MLST8: variants seen among roughly 807,000 people sequenced by gnomAD.
MLST8 encodes the protein target of rapamycin complex subunit LST8.
A neutral mutation model predicts 41.3 loss-of-function variants in MLST8; 20 were observed. That is an observed-to-expected ratio of 0.48 (90% CI 0.34 to 0.70). The LOEUF (loss-of-function observed/expected upper bound fraction) is 0.70. Ranked by LOEUF, MLST8 falls within the 30% of genes least tolerant of loss-of-function variation. The probability of loss-of-function intolerance (pLI) is 0.01; values close to 1 mark genes in which losing one functional copy is unlikely to be tolerated. For missense variants in MLST8, 422 were observed against 454.3 expected, an observed-to-expected ratio of 0.93 and a Z score of 0.65; for synonymous variants, 243 against 183.0, an observed-to-expected ratio of 1.33 and a Z score of -2.65.
At chr16:2,207,895 G>A (rs2093326821) in intron 6 of MLST8, 1 of 297,522 alleles carries the variant, frequency 3.4e-6, no homozygotes, top group Non-Finnish European at 6.2e-6. Flanking sequence ...TTTCCCTTCT[G>A]CTGGCCTTTG....
chr16:2,205,553 G>T, intron 1 of MLST8, 41 bp downstream of exon 1: 1 of 471,900 alleles, frequency 2.1e-6, no homozygotes, highest in Non-Finnish European at 2.8e-6. Flanking sequence ...CCGGCTGCTG[G>T]GTGGCTGGGA....
chr16:2,208,925 G>A lies in MLST8; in HGVS notation c.*48G>A, dbSNP rs777551075. On this transcript the variant is annotated 3_prime_UTR_variant, in exon 9 of 9. Coordinates refer to ENST00000569417, the MANE Select transcript of MLST8 (RefSeq NM_022372.6). ...TGGTGCAGGTGGTGGCAGCTGGAGGGACCCATGCAGCACCCAGGTCAGAGC... is the reference window on the plus strand; with the variant it reads ...TGGTGCAGGTGGTGGCAGCTGGAGGAACCCATGCAGCACCCAGGTCAGAGC... 1.9e-6 allele frequency: 3 copies of A among 1,592,220 alleles called. No homozygotes were observed. The highest frequency in any genetic ancestry group is 1.7e-5 in the Admixed American group (1 of 59,968).
chr16:2,205,950 G>C, intron 1 of MLST8, 81 bp from the exon 2 acceptor site: 1 of 1,453,294 alleles, frequency 6.9e-7, no homozygotes, highest in South Asian at 1.5e-5. Context: ...AATGATAAGC[G>C]CCATTCGGCA....
chr16:2,207,250 G>C lies in MLST8; in HGVS notation c.478G>C (p.Asp160His). The change falls in exon 6 of 9, where the codon GAC becomes CAC. Residue 160 changes from aspartate to histidine, a missense_variant. Asp to His is a moderately conservative substitution (Grantham distance 81, BLOSUM62 -1). Transcript: ENST00000569417. ...GAIHIWDLKT[D>H]HNEQLIPEPE... ...TATCCACATCTGGGACTTGAAAACA[G>C]ACCACAACGAGCAGCTGATCCCTGA... 3 of 1,614,188 alleles carry C rather than the reference G, an allele frequency of 1.9e-6. No individual in the cohort carries two copies. Among genetic ancestry groups the C allele is most frequent in the Non-Finnish European group, 2.5e-6 (3 of 1,180,032 alleles).
intron 6 of MLST8, chr16:2,207,589 C>A (rs979440485): frequency 1.8e-6 from 1 of 551,558 alleles, no homozygotes; most frequent in African/African-American, 1.9e-5. Flanking sequence ...TCCCTCTTTT[C>A]ACTCTGTTGC....
At chr16:2,205,807 G>A (rs757379497) in intron 1 of MLST8, 11 of 1,117,018 alleles carry the variant, frequency 9.8e-6, no homozygotes, top group Admixed American at 4.9e-5. Context: ...CGGAGGTGGG[G>A]GGGGGACGGC....
chr16:2,207,477 C>A (rs980007621), intron 6 of MLST8, 132 bp downstream of exon 6: 1 of 1,167,764 alleles, frequency 8.6e-7, no homozygotes, highest in Non-Finnish European at 1.2e-6. Flanking sequence ...TAACACCCAC[C>A]TTGCCAGCAA....
rs1411531995 is a variant in MLST8, at chr16:2,207,651, G to A, written c.573+306G>A. The A allele has an allele frequency of 7.0e-6, 3 of 429,384 alleles. No individual in the cohort carries two copies. The South Asian group carries it at 8.4e-5, about 12-fold the overall frequency. 26.6% of individuals were successfully genotyped at this position (429,384 alleles called of 1,614,324 possible). On this transcript the variant is annotated intron_variant, in intron 6 of 8. Coordinates refer to ENST00000569417, the MANE Select transcript of MLST8 (RefSeq NM_022372.6). ...TGGTGACGGCTGACACACTCTCTGA[G>A]GCTTCCTTTCCCCCTCCCTGACCTC...
Position 2,206,428 on chromosome 16 carries a change from C to T in MLST8, c.181+19C>T. The T allele has an allele frequency of 1.2e-6, 2 of 1,614,142 alleles. No homozygotes were observed. Among genetic ancestry groups the T allele is most frequent in the South Asian group, 1.1e-5 (1 of 91,080 alleles). On this transcript the variant is annotated intron_variant, in intron 3 of 8. Coordinates refer to ENST00000569417, the MANE Select transcript of MLST8 (RefSeq NM_022372.6). The stretch of plus-strand genomic sequence containing the variant: ...GCTGCAGGTATCTGTGATCCTTGAT[C>T]TCTAAACTCCTGAGCTCTGGTGGGT...
chr16:2,208,041 G>A (rs76711054), intron 6 of MLST8, 169 bp from the exon 7 acceptor site: 9 of 686,750 alleles, frequency 1.3e-5, no homozygotes, highest in Non-Finnish European at 1.8e-5. Flanking sequence ...CCCTTGCTTG[G>A]GGCCAGGCTT....
chr16:2,208,366 AC>A (rs1435745708), intron 7 of MLST8, 32 bp downstream of exon 7: 2 of 1,604,648 alleles, frequency 1.2e-6, no homozygotes, highest in Admixed American at 1.7e-5. Context: ...CCGGGAGGGG[AC>A]CTGCCTGGGC....
At chr16:2,208,102 C>A (rs1009642945) in intron 6 of MLST8, 108 bp from the exon 7 acceptor site, 4 of 1,363,634 alleles carry the variant, frequency 2.9e-6, no homozygotes, top group African/African-American at 3.0e-5. Context: ...GCCCCTCACC[C>A]GGGGTCCCCA....
At chr16:2,205,846 G>A in intron 1 of MLST8, 185 bp from the exon 2 acceptor site, 1 of 1,277,396 alleles carries the variant, frequency 7.8e-7, no homozygotes, top group South Asian at 1.9e-5. Context: ...GGGCGGGGAT[G>A]GAGCACGCGC....
chr16:2,208,594 C>A lies in MLST8; in HGVS notation c.843C>A (p.Asp281Glu). Residue 281 changes from aspartate (D) to glutamate (E), a missense_variant, in exon 8 of 9, where the codon GAC becomes GAA. Asp to Glu is a conservative substitution (Grantham distance 45). Transcript: ENST00000569417. The part of the protein sequence containing the change: ...GWMWGCAFSG[D>E]SQYIVTASSD... ...TGTGGGGCTGCGCCTTCTCGGGGGA[C>A]TCCCAGTACATCGTCACTGGTGAGC... 2 of 1,612,526 alleles carry A rather than the reference C, an allele frequency of 1.2e-6. No individual in the cohort carries two copies. Among genetic ancestry groups the A allele is most frequent in the Non-Finnish European group, 8.5e-7 (1 of 1,179,690 alleles).
chr16:2,206,455 G>C, intron 3 of MLST8, 42 bp from the exon 4 acceptor site: 2 of 1,613,410 alleles, frequency 1.2e-6, no homozygotes, highest in Non-Finnish European at 1.7e-6. Context: ...CTGGTGGGTC[G>C]ACCTCAGCAC....
rs1567273899 is a variant in MLST8 at position 2,206,343 on chromosome 16, CCTT to C, written c.130-14_130-12del. ...CTCAGGGCTACCTTCCCGTCATCCT[CCTT>C]AACAGTCCCAGCAGGTGAATGCCTT... On this transcript the variant is annotated splice_polypyrimidine_tract_variant and intron_variant, in intron 2 of 8. Coordinates refer to ENST00000569417, the MANE Select transcript of MLST8 (RefSeq NM_022372.6). The C allele has an allele frequency of 6.2e-7, 1 of 1,613,862 alleles. No homozygotes were observed. The highest frequency in any genetic ancestry group is 8.5e-7 in the Non-Finnish European group (1 of 1,179,994).
In MLST8 at chr16:2,208,791, GTGGAGAC is replaced by G. The variant is rs1354968798; in HGVS notation, c.902_908del (p.Thr301ArgfsTer27). ...GGACAACCTGGCCCGGCTCTGGTGTGTGGAGACTGGAGAGATCAAGAGAGAGTATGGC... is the reference window on the plus strand; with the variant it reads ...GGACAACCTGGCCCGGCTCTGGTGTGTGGAGAGATCAAGAGAGAGTATGGC... On this transcript the variant is annotated frameshift_variant, in exon 9 of 9. Transcript: ENST00000569417. LOFTEE classifies it high-confidence loss of function. The G allele has an allele frequency of 8.1e-6, 13 of 1,613,926 alleles. No homozygotes were observed. The highest frequency in any genetic ancestry group is 4.0e-5 in the African/African-American group (3 of 74,942).
rs879855528 is a variant in MLST8 at position 2,208,193 on chromosome 16, G to C, written c.574-17G>C. 3.8e-6 allele frequency: 6 copies of C among 1,593,422 alleles called. No individual in the cohort carries two copies. The highest frequency in any genetic ancestry group is 1.7e-5 in the Admixed American group (1 of 58,686). On this transcript the variant is annotated splice_polypyrimidine_tract_variant and intron_variant, in intron 6 of 8. Coordinates refer to ENST00000569417, the MANE Select transcript of MLST8 (RefSeq NM_022372.6). ...CTGAGGCCTTGGGCCCTCCGTGACG[G>C]TCCTCCTGACCTCTAGGGAAACTGC... is the stretch of plus-strand genomic sequence containing the variant.
chr16:2,207,652 GCTT>G (rs2093320347), intron 6 of MLST8: 1 of 426,454 alleles, frequency 2.3e-6, no homozygotes, highest in African/African-American at 2.0e-5. Context: ...ACTCTCTGAG[GCTT>G]CCTTTCCCCC....
Sources: gnomAD v4.1 joint callset for allele counts on GRCh38, gnomAD v4.1.1 for gene constraint, MANE v1.5 for transcripts, NCBI Gene and HGNC (gene_info 2026-07-23, HGNC 2026-07-21) for gene names.